B3GALT1: variants seen among roughly 807,000 people sequenced by gnomAD.
B3GALT1 encodes the protein UDP-Gal:betaGlcNAc beta 1,3-galactosyltransferase, polypeptide 1.
In B3GALT1, 10 loss-of-function variants were observed where a neutral mutation model predicts 23.2. The observed-to-expected ratio is 0.43, with a 90% CI of 0.27 to 0.73. The LOEUF (loss-of-function observed/expected upper bound fraction) is 0.73, where lower values mean the gene tolerates loss of function less well. Among genes scored for constraint, B3GALT1 ranks in the 30% least tolerant of loss-of-function variants. The probability of loss-of-function intolerance (pLI) is 0.21; values close to 1 mark genes in which losing one functional copy is unlikely to be tolerated. For synonymous variants in B3GALT1, 156 were observed against 141.5 expected (o/e 1.10, Z -0.73); for missense variants, 299 against 405.4 (o/e 0.74, Z 2.25).
At chr2:167,562,534 A>C (rs1684023075) in intron 2 of B3GALT1, among the ~76,000 whole-genome samples, 1 of 152,124 alleles carries the variant, frequency 6.6e-6, no homozygotes, top group Non-Finnish European at 1.5e-5. Context: ...TTTGCAGATG[A>C]CATGATTGTA....
intron 1 of B3GALT1, among the ~76,000 whole-genome samples, chr2:167,422,607 T>C (rs1698564819): frequency 6.6e-6 from 1 of 152,170 alleles, no homozygotes; most frequent in Non-Finnish European, 1.5e-5. Flanking sequence ...ATGAGTGTAC[T>C]TGACTTGAGT....
chr2:167,589,344 A>T (rs1684635782), intron 2 of B3GALT1, among the ~76,000 whole-genome samples: 1 of 152,098 alleles, frequency 6.6e-6, no homozygotes, highest in Non-Finnish European at 1.5e-5. Context: ...GGTTGTACAT[A>T]TTAGTCTTTT....
At chr2:167,612,975 A>G (rs915394565) in intron 2 of B3GALT1, among the ~76,000 whole-genome samples, 1 of 152,002 alleles carries the variant, frequency 6.6e-6, no homozygotes, top group Non-Finnish European at 1.5e-5. Context: ...TGTGTCAAAA[A>G]TAAATGTAGT....
chr2:167,831,703 G>A (rs752981212), intron 4 of B3GALT1, among the ~76,000 whole-genome samples: 11 of 152,182 alleles, frequency 7.2e-5, no homozygotes, highest in Non-Finnish European at 1.6e-4. Flanking sequence ...ACATTTTTGA[G>A]CCTCACTGGT....
intron 2 of B3GALT1, among the ~76,000 whole-genome samples, chr2:167,608,946 G>T (rs1685012352): frequency 6.6e-6 from 1 of 152,084 alleles, no homozygotes; most frequent in South Asian, 2.1e-4. Flanking sequence ...CCTTGTAAAA[G>T]TCTCTCATTG....
In B3GALT1 at chr2:167,715,654, G is replaced by C. The variant is rs1687130822; in HGVS notation, c.-352+68688G>C. 4.3e-6 allele frequency: 7 copies of C among 1,613,564 alleles called. No homozygotes were observed. In the South Asian group the frequency reaches 7.7e-5, roughly 18 times the overall value. ...GGATTTCATCCTCAAGTTCAGAATT[G>C]GACCTGTTCAGCTTTTCACAGGTTG... On this transcript the variant is annotated intron_variant, in intron 3 of 4. Coordinates refer to ENST00000392690, the MANE Select transcript of B3GALT1 (RefSeq NM_020981.4).
intron 1 of B3GALT1, among the ~76,000 whole-genome samples, chr2:167,312,281 C>T (rs1696643300): frequency 6.6e-6 from 1 of 151,766 alleles, no homozygotes; most frequent in Non-Finnish European, 1.5e-5. Flanking sequence ...TAAAATAATA[C>T]TGAAATTGAA....
At chr2:167,523,301 T>C (rs1683140427) in intron 2 of B3GALT1, among the ~76,000 whole-genome samples, 1 of 152,174 alleles carries the variant, frequency 6.6e-6, no homozygotes, top group South Asian at 2.1e-4. Flanking sequence ...AACTGTAATG[T>C]TACAAAATCG....
intron 1 of B3GALT1, among the ~76,000 whole-genome samples, chr2:167,461,134 A>G (rs1361790661): frequency 6.6e-6 from 1 of 152,210 alleles, no homozygotes; most frequent in Non-Finnish European, 1.5e-5. Flanking sequence ...AGTAATCAGT[A>G]ATCAGAGCAC....
At chr2:167,710,394 T>C (rs1375318) in intron 3 of B3GALT1, among the ~76,000 whole-genome samples, 46,212 of 152,088 alleles carry the variant, frequency 0.3, 7,789 homozygotes, top group Non-Finnish European at 0.4. Context: ...TTTAAAACTT[T>C]TCATTTTACA....
chr2:167,722,578 G>C (rs960907160), intron 3 of B3GALT1, among the ~76,000 whole-genome samples: 3 of 152,098 alleles, frequency 2.0e-5, no homozygotes, highest in African/African-American at 7.2e-5. Context: ...TGACTCCTGC[G>C]TATCCTTAAT....
chr2:167,333,731 A>T (rs997692860), intron 1 of B3GALT1, among the ~76,000 whole-genome samples: 1 of 152,190 alleles, frequency 6.6e-6, no homozygotes, highest in Non-Finnish European at 1.5e-5. Context: ...GCATTAGATG[A>T]CACTTAGAGA....
At chr2:167,840,160 A>G (rs1689606469) in intron 4 of B3GALT1, among the ~76,000 whole-genome samples, 1 of 152,082 alleles carries the variant, frequency 6.6e-6, no homozygotes, top group Non-Finnish European at 1.5e-5. Flanking sequence ...AATGGCAACA[A>G]AAGCCAAAAT....
chr2:167,295,881 T>A (rs1211968900), intron 1 of B3GALT1, among the ~76,000 whole-genome samples: 1 of 151,934 alleles, frequency 6.6e-6, no homozygotes, highest in Non-Finnish European at 1.5e-5. Flanking sequence ...GTACAGAGAA[T>A]TGTGTCAATG....
chr2:167,708,301 T>A lies in B3GALT1; in HGVS notation c.-352+61335T>A, dbSNP rs200034512. On this transcript the variant is annotated intron_variant, in intron 3 of 4. Transcript: ENST00000392690. ...TTAGACATTCTGATTAGATACCAGT[T>A]CTGCTAACTCTGCTCAGCCAGCCAC... 2.0e-5 allele frequency among the ~76,000 whole-genome samples: 3 copies of A among 152,216 alleles called. No individual in the cohort carries two copies. The East Asian group carries it at 5.8e-4, about 29-fold the overall frequency.
chr2:167,543,768 G>T (rs1169229040), intron 2 of B3GALT1, among the ~76,000 whole-genome samples: 1 of 152,312 alleles, frequency 6.6e-6, no homozygotes, highest in Admixed American at 6.5e-5. Flanking sequence ...CCTTGAATGT[G>T]GTGCTTCGTG....
chr2:167,627,655 A>G (rs750750288), intron 2 of B3GALT1, among the ~76,000 whole-genome samples: 17 of 151,678 alleles, frequency 1.1e-4, no homozygotes, highest in Non-Finnish European at 2.4e-4. Flanking sequence ...TTTTATGTGA[A>G]CTTATATCTT....
intron 3 of B3GALT1, among the ~76,000 whole-genome samples, chr2:167,753,314 C>T (rs963687461): frequency 6.6e-6 from 1 of 152,138 alleles, no homozygotes; most frequent in African/African-American, 2.4e-5. Context: ...GAGACAGGCC[C>T]GTCAATCTGC....
intron 3 of B3GALT1, among the ~76,000 whole-genome samples, chr2:167,806,643 G>C (rs1558985347): frequency 6.6e-6 from 1 of 152,218 alleles, no homozygotes; most frequent in Non-Finnish European, 1.5e-5. Flanking sequence ...TGTTGAACCA[G>C]CCTTGCATCC....
Sources: allele counts gnomAD v4.1 joint callset (sites outside exome capture counted in the v4.1 genomes callset), GRCh38; gene constraint gnomAD v4.1.1; transcripts MANE v1.5; gene names NCBI Gene and HGNC (gene_info 2026-07-23, HGNC 2026-07-21).